The following HMBOX1 variants were observed in gnomAD, a reference collection of about 807,000 sequenced individuals.
HMBOX1 encodes homeobox containing 1, also known as homeobox-containing protein 1.
In HMBOX1, 14 loss-of-function variants were observed where a neutral mutation model predicts 54.5. The observed-to-expected ratio is 0.26, with a 90% confidence interval of 0.17 to 0.40. HMBOX1 has a LOEUF of 0.40. Among genes scored for constraint, HMBOX1 ranks in the 10% least tolerant of loss-of-function variants. The probability of loss-of-function intolerance (pLI) is 1.00; values close to 1 mark genes in which losing one functional copy is unlikely to be tolerated. For missense variants in HMBOX1, 332 were observed against 514.4 expected, an observed-to-expected ratio of 0.65 and a Z score of 3.43; for synonymous variants, 160 against 181.0, an observed-to-expected ratio of 0.88 and a Z score of 0.93.
chr8:28,956,181 T>A (rs1398134077), intron 1 of HMBOX1, among the ~76,000 whole-genome samples: 2 of 152,156 alleles, frequency 1.3e-5, no homozygotes, highest in Non-Finnish European at 2.9e-5. Context: ...GTCTGTTAAA[T>A]TTTTACTGAA....
At chr8:28,969,939 C>A (rs2132343144) in intron 2 of HMBOX1, 104 bp from the exon 3 acceptor site, 1 of 741,690 alleles carries the variant, frequency 1.3e-6, no homozygotes, top group Non-Finnish European at 2.2e-6. Flanking sequence ...ATTTTCAATA[C>A]AGAAGCTTAT....
At chr8:29,015,061 C>T (rs1834805911) in intron 5 of HMBOX1, among the ~76,000 whole-genome samples, 1 of 152,140 alleles carries the variant, frequency 6.6e-6, no homozygotes. Context: ...TCTTCCTTTT[C>T]CTTCCTGCCC....
In HMBOX1 at chr8:28,897,796, C is replaced by T. The variant is rs190329882; in HGVS notation, c.-58+7118C>T. On this transcript the variant is annotated intron_variant, in intron 1 of 9. Coordinates refer to ENST00000287701, the MANE Select transcript of HMBOX1 (RefSeq NM_001135726.3). ...ATAACCAAAATTACAGCTATTTTGA[C>T]ATTAGTTTGGTTTTGACAGTGTTAA... Among the ~76,000 whole-genome samples the T allele has an allele frequency of 1.1e-3, 166 of 152,286 alleles. 2 individuals are homozygous for T. Among genetic ancestry groups the T allele is most frequent in the African/African-American group, 3.8e-3 (159 of 41,572 alleles).
intron 6 of HMBOX1, among the ~76,000 whole-genome samples, chr8:29,020,395 A>C (rs938589825): frequency 2.0e-5 from 3 of 152,216 alleles, no homozygotes; most frequent in African/African-American, 7.2e-5. Context: ...AATAGGTGAT[A>C]TTCCTAATGT....
intron 1 of HMBOX1, among the ~76,000 whole-genome samples, chr8:28,921,527 A>G (rs191715086): frequency 3.5e-4 from 53 of 152,350 alleles, no homozygotes; most frequent in Middle Eastern, 3.4e-3. Context: ...GAATACTACC[A>G]ATAATACCAC....
At position 29,047,463 on chromosome 8, in the gene HMBOX1, CAGTG is replaced by C. The variant is rs1208050381; in HGVS notation, c.1030+13_1030+16del. 1 of 1,400,620 alleles carries C rather than the reference CAGTG, an allele frequency of 7.1e-7. No homozygotes were observed. Among genetic ancestry groups the C allele is most frequent in the East Asian group, 2.3e-5 (1 of 43,866 alleles). 86.8% of individuals were successfully genotyped at this position (1,400,620 alleles called of 1,614,324 possible). On this transcript the variant is annotated intron_variant, in intron 8 of 9. Transcript: ENST00000287701. ...AGGAGAGCCAATATTGGTAATGTATCAGTGAGGCTGCTTTTCTCTTGTGCAGCAG... is the reference window on the plus strand; with the variant it reads ...AGGAGAGCCAATATTGGTAATGTATCAGGCTGCTTTTCTCTTGTGCAGCAG...
At chr8:29,012,677 A>G (rs1351436820) in intron 5 of HMBOX1, among the ~76,000 whole-genome samples, 1 of 152,348 alleles carries the variant, frequency 6.6e-6, no homozygotes, top group East Asian at 1.9e-4. Context: ...TACACAGCCT[A>G]ATGTGTCTTT....
chr8:28,930,540 A>G (rs768704086), intron 1 of HMBOX1, among the ~76,000 whole-genome samples: 5 of 152,322 alleles, frequency 3.3e-5, no homozygotes, highest in Non-Finnish European at 5.9e-5. Flanking sequence ...TAAGTGAAGT[A>G]TTATGCAAAT....
At chr8:28,897,209 C>A (rs1017587435) in intron 1 of HMBOX1, among the ~76,000 whole-genome samples, 9 of 151,800 alleles carry the variant, frequency 5.9e-5, no homozygotes, top group Admixed American at 5.2e-4. Context: ...GGTCTCGAAT[C>A]CCCCCTCAGG....
Position 28,970,697 on chromosome 8 carries a change from T to G in HMBOX1, c.500+178T>G, listed in dbSNP as rs1827237920. On this transcript the variant is annotated intron_variant, in intron 3 of 9. Coordinates refer to ENST00000287701, the MANE Select transcript of HMBOX1 (RefSeq NM_001135726.3). This position sits in a 1 kb window ranked among gnomAD's most constrained non-coding sequence, Gnocchi z 4.3. ...AAAGAAAGAAAGTTCAAGCTTTATGTTTTTAATTTAAATTTTCTCTTCTTT... is the reference window on the plus strand; with the variant it reads ...AAAGAAAGAAAGTTCAAGCTTTATGGTTTTAATTTAAATTTTCTCTTCTTT... 1 of 507,188 alleles carries G rather than the reference T, an allele frequency of 2.0e-6. No homozygotes were observed. The highest frequency in any genetic ancestry group is 3.7e-5 in the South Asian group (1 of 26,808). 31.4% of individuals were successfully genotyped at this position (507,188 alleles called of 1,614,324 possible).
intron 4 of HMBOX1, among the ~76,000 whole-genome samples, chr8:28,986,743 A>G (rs1481834659): frequency 1.3e-5 from 2 of 152,188 alleles, no homozygotes; most frequent in African/African-American, 4.8e-5. Context: ...GGGAATAGGA[A>G]CAGATGTTAT....
chr8:29,034,060 A>C (rs1348680833), intron 6 of HMBOX1, among the ~76,000 whole-genome samples: 1 of 152,226 alleles, frequency 6.6e-6, no homozygotes, highest in African/African-American at 2.4e-5. Context: ...CCTTAATGGC[A>C]TTAAGAAATC....
intron 6 of HMBOX1, among the ~76,000 whole-genome samples, chr8:29,029,790 T>A (rs1451573721): frequency 6.6e-6 from 1 of 152,260 alleles, no homozygotes; most frequent in Non-Finnish European, 1.5e-5. Context: ...AACTTTTATG[T>A]GGTAAACATT....
chr8:28,952,713 T>G (rs1823698773), intron 1 of HMBOX1, among the ~76,000 whole-genome samples: 1 of 152,202 alleles, frequency 6.6e-6, no homozygotes, highest in South Asian at 2.1e-4. Flanking sequence ...AACTCTCCAA[T>G]AAGCTTTCTG....
In HMBOX1 at chr8:28,937,829, G is replaced by A. The variant is rs75015971; in HGVS notation, c.-57-25982G>A. Among the ~76,000 whole-genome samples, 248 of 152,286 alleles carry A rather than the reference G, an allele frequency of 1.6e-3. 1 individual carries two copies. The East Asian group carries it at 0.018, about 11-fold the overall frequency. ...CTTTAAAAATTAGAAAGTTTTGAAG[G>A]TGAAGCATGTGTCTGCCATCTATTC... On this transcript the variant is annotated intron_variant, in intron 1 of 9. Coordinates refer to ENST00000287701, the MANE Select transcript of HMBOX1 (RefSeq NM_001135726.3).
intron 4 of HMBOX1, among the ~76,000 whole-genome samples, chr8:28,980,740 G>A (rs748421784): frequency 4.6e-5 from 7 of 151,824 alleles, no homozygotes; most frequent in South Asian, 2.1e-4. Context: ...TTTTAATGAC[G>A]TTCTTAAATT....
rs1554519262 is a variant in HMBOX1, at chr8:28,900,271, A to ATATAT, written c.-58+9593_-58+9594insTATAT. On this transcript the variant is annotated intron_variant, in intron 1 of 9. Coordinates refer to ENST00000287701, the MANE Select transcript of HMBOX1 (RefSeq NM_001135726.3). ...TTCCGTCTCAAAAAAAAAAAAAAAA[A>ATATAT]ATATATATATATATATATATTTTGT... is the stretch of plus-strand genomic sequence containing the variant. Among the ~76,000 whole-genome samples, 609 of 70,280 alleles carry ATATAT rather than the reference A, an allele frequency of 8.7e-3. 2 individuals carry two copies. Among genetic ancestry groups the ATATAT allele is most frequent in the East Asian group, 0.022 (59 of 2,676 alleles). 46.1% of individuals were successfully genotyped at this position (70,280 alleles called of 152,430 possible).
At chr8:29,025,971 C>T (rs1006017589) in intron 6 of HMBOX1, among the ~76,000 whole-genome samples, 1 of 151,820 alleles carries the variant, frequency 6.6e-6, no homozygotes, top group Non-Finnish European at 1.5e-5. Context: ...TGACCTTGCT[C>T]ATCATGAACG....
intron 1 of HMBOX1, among the ~76,000 whole-genome samples, chr8:28,926,201 C>T (rs961034750): frequency 6.6e-6 from 1 of 151,850 alleles, no homozygotes; most frequent in African/African-American, 2.4e-5. Context: ...ACTCAGGAGA[C>T]TGAGGCTTAC....
Sources: allele counts gnomAD v4.1 joint callset (sites outside exome capture counted in the v4.1 genomes callset), GRCh38; gene constraint gnomAD v4.1.1; non-coding constraint Gnocchi (gnomAD v3.1); transcripts MANE v1.5; gene names NCBI Gene and HGNC (gene_info 2026-07-23, HGNC 2026-07-21).